The following POU2F2 variants were observed in gnomAD, a reference collection of about 807,000 sequenced individuals.
POU2F2 encodes the protein POU domain, class 2, transcription factor 2.
In POU2F2, 14 loss-of-function variants were observed where a neutral mutation model predicts 63.5. That is an observed-to-expected ratio of 0.22 (90% CI 0.15 to 0.34). The LOEUF (loss-of-function observed/expected upper bound fraction) is 0.34, where lower values mean the gene tolerates loss of function less well. POU2F2 is among the 10% of genes least tolerant of loss of function. The probability of loss-of-function intolerance (pLI) is 1.00; values close to 1 mark genes in which losing one functional copy is unlikely to be tolerated. For synonymous variants in POU2F2, 306 were observed against 348.6 expected (o/e 0.88, Z 1.36); for missense variants, 607 against 815.2 (o/e 0.74, Z 3.11).
intron 1 of POU2F2, among the ~76,000 whole-genome samples, chr19:42,192,873 TA>T (rs1351836342): frequency 1.4e-4 from 21 of 151,526 alleles, no homozygotes; most frequent in African/African-American, 5.1e-4. Flanking sequence ...GGTGGGAGAG[TA>T]AACTGGTACT....
intron 11 of POU2F2, among the ~76,000 whole-genome samples, chr19:42,094,204 C>T (rs1345344484): frequency 6.6e-6 from 1 of 152,144 alleles, no homozygotes; most frequent in South Asian, 2.1e-4. Context: ...TCCACATGCT[C>T]CTGATATTGT....
At chr19:42,132,130 C>G (rs942711430) in intron 1 of POU2F2, among the ~76,000 whole-genome samples, 2 of 152,206 alleles carry the variant, frequency 1.3e-5, no homozygotes, top group Non-Finnish European at 2.9e-5. Context: ...CCCTCCCTCC[C>G]GTCCCCAGAC....
intron 1 of POU2F2, among the ~76,000 whole-genome samples, chr19:42,185,155 CA>C (rs1284217099): frequency 2.0e-5 from 3 of 152,146 alleles, no homozygotes; most frequent in Non-Finnish European, 1.5e-5. Context: ...TTGACAATAT[CA>C]CCCAGCTTTT....
intron 4 of POU2F2, among the ~76,000 whole-genome samples, chr19:42,119,577 G>A (rs1243062601): frequency 6.6e-6 from 1 of 152,110 alleles, no homozygotes; most frequent in African/African-American, 2.4e-5. Context: ...GGAGGCTAAG[G>A]CAAGAGAATC....
intron 1 of POU2F2, among the ~76,000 whole-genome samples, chr19:42,187,972 G>A (rs978494131): frequency 2.6e-5 from 4 of 151,834 alleles, no homozygotes; most frequent in African/African-American, 9.7e-5. Flanking sequence ...TGAACCTTTT[G>A]ACTTTTTTAA....
chr19:42,124,259 G>A (rs1306772350), intron 1 of POU2F2, among the ~76,000 whole-genome samples: 1 of 145,902 alleles, frequency 6.9e-6, no homozygotes, highest in Admixed American at 7.1e-5. Context: ...AGCTGTGACT[G>A]CACCACTGCG....
rs117249295 is a variant in POU2F2 at position 42,153,976 on chromosome 19, T to C, written c.-9+6356A>G. Among the ~76,000 whole-genome samples the C allele has an allele frequency of 0.11, 16,549 of 151,114 alleles. 1,022 individuals are homozygous for C. Among genetic ancestry groups the C allele is most frequent in the Middle Eastern group, 0.2 (60 of 294 alleles). ...CTGCCAGGATGGGCCCAGGCCCCCG[T>C]CCCTCCCCCGGCACCTTGGGCAGGC... is the stretch of plus-strand genomic sequence containing the variant. On this transcript the variant is annotated intron_variant, in intron 2 of 6. Transcript: ENST00000524801. This position sits in a 1 kb window ranked among gnomAD's most constrained non-coding sequence, Gnocchi z 5.6.
chr19:42,088,540 T>C lies in POU2F2; in HGVS notation c.*2717A>G, dbSNP rs2076619246. On this transcript the variant is annotated 3_prime_UTR_variant, in exon 15 of 15. Transcript: ENST00000692977. ...TCCTTTTTGGTCTAGAATCATAGTT[T>C]TTGTTTGAGTCATCTCCACCATGCC... 1 of 151,468 alleles carries C rather than the reference T, an allele frequency of 6.6e-6. No homozygotes were observed. The highest frequency in any genetic ancestry group is 1.5e-5 in the Non-Finnish European group (1 of 67,844). 9.4% of individuals were successfully genotyped at this position (151,468 alleles called of 1,614,324 possible).
chr19:42,127,628 AC>A (rs2033328081), intron 1 of POU2F2, among the ~76,000 whole-genome samples: 1 of 151,476 alleles, frequency 6.6e-6, no homozygotes, highest in South Asian at 2.1e-4. Flanking sequence ...TGATCTGCCC[AC>A]CTCAGCCTCC....
rs1395512905 is a variant in POU2F2 at position 42,088,946 on chromosome 19, G to A, written c.*2311C>T. On this transcript the variant is annotated 3_prime_UTR_variant, in exon 15 of 15. Coordinates refer to ENST00000692977, the MANE Select transcript of POU2F2 (RefSeq NM_001394376.1). ...AGCCCAACAGTTTCATTTCCCGGGT[G>A]GGAGAAGGGAGACAAGGAAAAAAGA... The A allele has an allele frequency of 2.0e-5, 3 of 152,752 alleles. No individual in the cohort carries two copies. The highest frequency in any genetic ancestry group is 2.1e-4 in the South Asian group (1 of 4,826). The allele number at this position is 152,752 out of a possible 1,614,324, so 9.5% of individuals were successfully genotyped here.
In POU2F2 at chr19:42,090,003, C is replaced by T. The variant is rs1192696019; in HGVS notation, c.*1254G>A. ...GGGACCACAGGCTGTGGCACTGTCC[C>T]CACCACATGGACCCTGATGGGGATG... On this transcript the variant is annotated 3_prime_UTR_variant, in exon 15 of 15. Coordinates refer to ENST00000692977, the MANE Select transcript of POU2F2 (RefSeq NM_001394376.1). This position sits in a 1 kb window ranked among gnomAD's most constrained non-coding sequence, Gnocchi z 4.4. The T allele has an allele frequency of 6.6e-6, 1 of 152,370 alleles. No individual in the cohort carries two copies. Among genetic ancestry groups the T allele is most frequent in the Non-Finnish European group, 1.5e-5 (1 of 68,050 alleles). The allele number at this position is 152,370 out of a possible 1,614,324, so 9.4% of individuals were successfully genotyped here. A position where few individuals can be genotyped will look rare whatever the true frequency, so the allele number is the denominator to read the frequency against.
At chr19:42,091,695 C>T (rs1720291195) in intron 14 of POU2F2, 104 bp from the exon 15 acceptor site, 2 of 1,551,352 alleles carry the variant, frequency 1.3e-6, no homozygotes, top group Non-Finnish European at 1.7e-6. Flanking sequence ...CCATCGGTCC[C>T]ACTGACCCCC....
At chr19:42,163,528 G>A (rs936873622) in intron 1 of POU2F2, among the ~76,000 whole-genome samples, 7 of 152,074 alleles carry the variant, frequency 4.6e-5, no homozygotes, top group African/African-American at 1.4e-4. Flanking sequence ...CTGGAAGAGG[G>A]TGGTCTCCTC....
At chr19:42,175,028 C>A (rs559697767) in intron 1 of POU2F2, among the ~76,000 whole-genome samples, 1 of 152,296 alleles carries the variant, frequency 6.6e-6, no homozygotes, top group African/African-American at 2.4e-5. Flanking sequence ...CTCAGATGGA[C>A]TTCCGCCCCA....
rs566250278 is a variant in POU2F2 at position 42,093,014 on chromosome 19, T to A, written c.1265-744A>T. 6.3e-3 allele frequency among the ~76,000 whole-genome samples: 832 copies of A among 132,870 alleles called. 5 individuals are homozygous for A. Among genetic ancestry groups the A allele is most frequent in the African/African-American group, 0.021 (733 of 34,212 alleles). The allele number at this position is 132,870 out of a possible 152,430, so 87.2% of individuals were successfully genotyped here. A position where few individuals can be genotyped will look rare whatever the true frequency, so the allele number is the denominator to read the frequency against. On this transcript the variant is annotated intron_variant, in intron 12 of 14. Coordinates refer to ENST00000692977, the MANE Select transcript of POU2F2 (RefSeq NM_001394376.1). ...ATATATATATATATATATATATTTT[T>A]TTTTTTTTTTTTTTTGAGATGGAAT...
rs185621185 is a variant in POU2F2 at position 42,172,695 on chromosome 19, C to T, written c.-70+3268G>A. Among the ~76,000 whole-genome samples, 274 of 152,318 alleles carry T rather than the reference C, an allele frequency of 1.8e-3. 3 individuals carry two copies. The highest frequency in any genetic ancestry group is 3.4e-4 in the Non-Finnish European group (23 of 68,026). ...TGTTTGAACAGGCCCAGCCCCAAACCATCACTGATGGAACGAGCTCAACCA... is the reference window on the plus strand; with the variant it reads ...TGTTTGAACAGGCCCAGCCCCAAACTATCACTGATGGAACGAGCTCAACCA... On this transcript the variant is annotated intron_variant, in intron 1 of 6. Transcript: ENST00000524801.
chr19:42,192,552 C>A (rs78864738), intron 1 of POU2F2, among the ~76,000 whole-genome samples: 12,108 of 152,140 alleles, frequency 0.08, 678 homozygotes, highest in Middle Eastern at 0.18. Flanking sequence ...CGTATTTACC[C>A]TTGGTAATAA....
At chr19:42,168,423 C>T (rs920755659) in intron 1 of POU2F2, among the ~76,000 whole-genome samples, 2 of 152,226 alleles carry the variant, frequency 1.3e-5, no homozygotes, top group African/African-American at 4.8e-5. Flanking sequence ...TCCCGTGACC[C>T]TGGGCCTCAC....
chr19:42,194,656 G>A (rs1012268135), intron 1 of POU2F2, among the ~76,000 whole-genome samples: 2 of 148,432 alleles, frequency 1.3e-5, no homozygotes, highest in Non-Finnish European at 3.0e-5. Flanking sequence ...CTGCCAGGGA[G>A]GCTGAAGCAG....
Sources: gnomAD v4.1 joint callset for allele counts (sites outside exome capture counted in the v4.1 genomes callset) on GRCh38, gnomAD v4.1.1 for gene constraint, Gnocchi (gnomAD v3.1) non-coding constraint, MANE v1.5 for transcripts, NCBI Gene and HGNC (gene_info 2026-07-23, HGNC 2026-07-21) for gene names.